Variants in PLB1 observed in about 807,000 individuals in gnomAD.
PLB1 encodes phospholipase B1.
In PLB1, 242 loss-of-function variants were observed where a neutral mutation model predicts 227.4. The ratio of observed to expected loss-of-function variants is 1.06; its 90% confidence interval spans 0.96 to 1.18. PLB1 has a LOEUF of 1.18. PLB1 is among the 50% of genes most tolerant of loss of function. The pLI, the probability that PLB1 is intolerant of heterozygous loss-of-function variation, is 0.00. For synonymous variants in PLB1, 757 were observed against 682.2 expected (o/e 1.11, Z -1.71); for missense variants, 1,858 against 1,816.3 (o/e 1.02, Z -0.42).
At chr2:28,628,176 C>CAA in intron 51 of PLB1, among the ~76,000 whole-genome samples, 1 of 152,236 alleles carries the variant, frequency 6.6e-6, no homozygotes, top group East Asian at 1.9e-4. Flanking sequence ...CAGCATGGAC[C>CAA]AAAGCCCAAA....
At chr2:28,518,053 C>T (rs78227241) in intron 2 of PLB1, among the ~76,000 whole-genome samples, 3,195 of 151,930 alleles carry the variant, frequency 0.021, 100 homozygotes, top group African/African-American at 0.073. Context: ...TTTTGTATTT[C>T]GTATTTTTAG....
At chr2:28,525,636 T>A (rs1670141397) in intron 5 of PLB1, among the ~76,000 whole-genome samples, 1 of 152,146 alleles carries the variant, frequency 6.6e-6, no homozygotes, top group South Asian at 2.1e-4. Context: ...CTCAGTCTCA[T>A]TCTACCCTGG....
At chr2:28,617,643 C>A in intron 44 of PLB1, 84 bp from the exon 45 acceptor site, 1 of 1,349,098 alleles carries the variant, frequency 7.4e-7, no homozygotes, top group Non-Finnish European at 1.1e-6. Flanking sequence ...CATCAAAAAT[C>A]CCTTAGCTGG....
At chr2:28,548,079 C>A (rs1029753256) in intron 14 of PLB1, among the ~76,000 whole-genome samples, 1 of 152,018 alleles carries the variant, frequency 6.6e-6, no homozygotes, top group Non-Finnish European at 1.5e-5. Context: ...GATACTCTAG[C>A]GGTTTGTGAG....
chr2:28,596,775 T>C (rs1682988831), intron 33 of PLB1, among the ~76,000 whole-genome samples: 1 of 152,176 alleles, frequency 6.6e-6, no homozygotes, highest in South Asian at 2.1e-4. Flanking sequence ...AGGAGAAGGG[T>C]AAGATTTACG....
chr2:28,606,073 A>T, intron 42 of PLB1, 125 bp downstream of exon 42: 1 of 759,060 alleles, frequency 1.3e-6, no homozygotes, highest in Non-Finnish European at 2.2e-6. Flanking sequence ...ATAAACGTCT[A>T]TGCAGTTGGA....
chr2:28,620,793 TC>T, intron 48 of PLB1, 85 bp from the exon 49 acceptor site: 14 of 1,463,622 alleles, frequency 9.6e-6, no homozygotes, highest in African/African-American at 1.4e-5. Flanking sequence ...CCCACCCATG[TC>T]CCCACCCTGC....
intron 21 of PLB1, among the ~76,000 whole-genome samples, chr2:28,574,207 C>G (rs1237775228): frequency 1.3e-5 from 2 of 152,040 alleles, no homozygotes; most frequent in Admixed American, 1.3e-4. Context: ...ATTTTTATTT[C>G]AACACTTTTT....
intron 25 of PLB1, among the ~76,000 whole-genome samples, 193 bp downstream of exon 25, chr2:28,582,698 C>G (rs1349991993): frequency 5.9e-5 from 9 of 152,118 alleles, no homozygotes; most frequent in African/African-American, 1.9e-4. Flanking sequence ...CTCAGCCCAC[C>G]TCAGGGTGTG....
intron 14 of PLB1, among the ~76,000 whole-genome samples, chr2:28,546,953 A>G (rs932989374): frequency 1.3e-5 from 2 of 152,178 alleles, no homozygotes. Flanking sequence ...TAATCCCAGC[A>G]CTTTGGGAGT....
At position 28,591,766 on chromosome 2, in the gene PLB1, C is replaced by T. The variant is rs775901083; in HGVS notation, c.2188+6C>T. 1 of 1,613,576 alleles carries T rather than the reference C, an allele frequency of 6.2e-7. No individual in the cohort carries two copies. Among genetic ancestry groups the T allele is most frequent in the Non-Finnish European group, 8.5e-7 (1 of 1,179,852 alleles). On this transcript the variant is annotated splice_donor_region_variant and intron_variant, in intron 31 of 57. Transcript: ENST00000327757. Reference sequence around the variant, plus strand: ...TGCCTTGCACCCTACCTCAGGTAAGCCCCCTATGGCACAGCAGGACCCAGG... The same window carrying T: ...TGCCTTGCACCCTACCTCAGGTAAGTCCCCTATGGCACAGCAGGACCCAGG...
intron 43 of PLB1, among the ~76,000 whole-genome samples, chr2:28,610,825 C>T (rs151098762): frequency 6.6e-6 from 1 of 152,132 alleles, no homozygotes; most frequent in African/African-American, 2.4e-5. Flanking sequence ...CCCAGGCAGC[C>T]CACACCGTCT....
intron 1 of PLB1, among the ~76,000 whole-genome samples, chr2:28,503,130 A>AT (rs1416309858): frequency 6.6e-6 from 1 of 151,590 alleles, no homozygotes; most frequent in African/African-American, 2.4e-5. Context: ...CTACTTTATT[A>AT]TTTTTTTCAA....
At chr2:28,547,417 C>T (rs368482899) in intron 14 of PLB1, among the ~76,000 whole-genome samples, 1 of 152,160 alleles carries the variant, frequency 6.6e-6, no homozygotes, top group African/African-American at 2.4e-5. Context: ...AGAGAGTTGC[C>T]ACTCCTTTTC....
chr2:28,608,900 AT>A (rs1033162905), intron 43 of PLB1, among the ~76,000 whole-genome samples: 67 of 150,636 alleles, frequency 4.4e-4, no homozygotes, highest in African/African-American at 1.6e-3. Context: ...TCATGTCTCC[AT>A]TCTATTTTCT....
intron 35 of PLB1, among the ~76,000 whole-genome samples, chr2:28,599,555 G>A (rs973832599): frequency 2.2e-5 from 3 of 138,682 alleles, no homozygotes; most frequent in African/African-American, 3.5e-5. Context: ...GGTCTATAAC[G>A]GGGCCCTGAA....
chr2:28,544,646 GC>G (rs1672975720), intron 14 of PLB1, among the ~76,000 whole-genome samples: 2 of 152,200 alleles, frequency 1.3e-5, no homozygotes, highest in Admixed American at 1.3e-4. Context: ...GCAGTGTTGT[GC>G]TGGGCCACGC....
At chr2:28,622,878 C>G (rs1558940245) in intron 49 of PLB1, among the ~76,000 whole-genome samples, 1 of 152,140 alleles carries the variant, frequency 6.6e-6, no homozygotes, top group African/African-American at 2.4e-5. Context: ...AAGAATGAAT[C>G]TCCATCTCCA....
intron 50 of PLB1, among the ~76,000 whole-genome samples, chr2:28,625,505 T>G (rs1238468880): frequency 6.6e-6 from 1 of 152,064 alleles, no homozygotes; most frequent in Non-Finnish European, 1.5e-5. Context: ...AACTTCTCAC[T>G]AGCACTTTTT....
Sources: allele counts gnomAD v4.1 joint callset (sites outside exome capture counted in the v4.1 genomes callset), GRCh38; gene constraint gnomAD v4.1.1; transcripts MANE v1.5; gene names NCBI Gene and HGNC (gene_info 2026-07-23, HGNC 2026-07-21).